The following GRXCR1 variants were observed in gnomAD, a reference collection of about 807,000 sequenced individuals.
GRXCR1 encodes the protein glutaredoxin and cysteine rich domain containing 1, also known as glutaredoxin domain-containing cysteine-rich protein 1.
Under a neutral mutation model 27.3 loss-of-function variants are expected in GRXCR1, and 27 were observed. The observed-to-expected ratio is 0.99, with a 90% CI of 0.73 to 1.37. The LOEUF (loss-of-function observed/expected upper bound fraction) is 1.37. GRXCR1 is among the 40% of genes most tolerant of loss of function. The pLI, the probability that GRXCR1 is intolerant of heterozygous loss-of-function variation, is 0.00. For missense variants in GRXCR1, 379 were observed against 354.4 expected (o/e 1.07, Z -0.56); for synonymous variants, 122 against 131.1 (o/e 0.93, Z 0.47).
intron 1 of GRXCR1, among the ~76,000 whole-genome samples, chr4:42,900,877 C>T (rs1746445595): frequency 6.6e-6 from 1 of 152,072 alleles, no homozygotes; most frequent in African/African-American, 2.4e-5. Context: ...ATGAGGGTCC[C>T]AGAACTAATC....
intron 2 of GRXCR1, among the ~76,000 whole-genome samples, chr4:43,001,315 G>A (rs1712349527): frequency 6.6e-6 from 1 of 151,884 alleles, no homozygotes; most frequent in African/African-American, 2.4e-5. Flanking sequence ...AATTCACCTT[G>A]GGCAAGAGCT....
intron 2 of GRXCR1, among the ~76,000 whole-genome samples, chr4:42,987,261 A>AAAT (rs1711795363): frequency 1.0e-5 from 1 of 97,274 alleles, no homozygotes; most frequent in Non-Finnish European, 2.1e-5. Flanking sequence ...ATATATATAT[A>AAAT]ATATATATAT....
intron 1 of GRXCR1, among the ~76,000 whole-genome samples, chr4:42,943,322 A>T (rs1747665818): frequency 6.6e-6 from 1 of 152,130 alleles, no homozygotes; most frequent in Non-Finnish European, 1.5e-5. Context: ...CTGAAAGTGA[A>T]GCCTTGAAGT....
At chr4:43,019,008 G>A (rs949456571) in intron 2 of GRXCR1, among the ~76,000 whole-genome samples, 8 of 152,030 alleles carry the variant, frequency 5.3e-5, no homozygotes, top group African/African-American at 1.7e-4. Flanking sequence ...CATTTTTTAT[G>A]GTGATTATGA....
chr4:42,909,576 C>A (rs1353326232), intron 1 of GRXCR1, among the ~76,000 whole-genome samples: 3 of 152,110 alleles, frequency 2.0e-5, no homozygotes, highest in Admixed American at 6.6e-5. Context: ...ATCTGGTTAG[C>A]CAATTTTTAG....
chr4:42,988,029 G>T (rs964052673), intron 2 of GRXCR1, among the ~76,000 whole-genome samples: 41 of 152,110 alleles, frequency 2.7e-4, no homozygotes, highest in African/African-American at 8.9e-4. Flanking sequence ...ACAGTTTCTG[G>T]AGTATCCTGT....
intron 2 of GRXCR1, among the ~76,000 whole-genome samples, chr4:42,977,882 G>C (rs1350907365): frequency 6.6e-6 from 1 of 151,910 alleles, no homozygotes; most frequent in African/African-American, 2.4e-5. Context: ...TTATTGCCCA[G>C]ACTGTTGTGG....
intron 1 of GRXCR1, among the ~76,000 whole-genome samples, chr4:42,948,303 A>G (rs1747795402): frequency 6.6e-6 from 1 of 151,930 alleles, no homozygotes; most frequent in African/African-American, 2.4e-5. Context: ...AGTAGAAAAG[A>G]TAGATAAAGA....
At chr4:42,952,795 G>A (rs1011399972) in intron 1 of GRXCR1, among the ~76,000 whole-genome samples, 3 of 152,086 alleles carry the variant, frequency 2.0e-5, no homozygotes, top group East Asian at 1.9e-4. Flanking sequence ...ATCACAGAGG[G>A]AAGCATCGAG....
chr4:43,025,240 G>C (rs1182791178), intron 3 of GRXCR1, among the ~76,000 whole-genome samples: 1 of 152,148 alleles, frequency 6.6e-6, no homozygotes, highest in African/African-American at 2.4e-5. Flanking sequence ...CATTTCGTGT[G>C]CTTTAGTTGA....
intron 2 of GRXCR1, among the ~76,000 whole-genome samples, chr4:42,989,961 GGTT>G (rs1185331667): frequency 2.6e-5 from 4 of 151,756 alleles, no homozygotes; most frequent in African/African-American, 9.7e-5. Flanking sequence ...ATATTTCCAA[GGTT>G]GTGAAAAGTT....
intron 2 of GRXCR1, among the ~76,000 whole-genome samples, chr4:42,972,026 A>G (rs994871690): frequency 4.6e-5 from 7 of 152,216 alleles, no homozygotes; most frequent in Admixed American, 4.6e-4. Flanking sequence ...CCTCCCAAGT[A>G]TCTGGCACCA....
intron 2 of GRXCR1, among the ~76,000 whole-genome samples, chr4:42,969,827 C>T (rs960746925): frequency 1.3e-5 from 2 of 152,048 alleles, no homozygotes; most frequent in African/African-American, 4.8e-5. Flanking sequence ...CCTTCCCAAC[C>T]GTCCCCCACA....
chr4:42,951,560 G>A (rs1206293692), intron 1 of GRXCR1, among the ~76,000 whole-genome samples: 1 of 152,148 alleles, frequency 6.6e-6, no homozygotes, highest in Non-Finnish European at 1.5e-5. Context: ...CCCAGTCATC[G>A]TAATGCTGCA....
At chr4:42,970,378 T>A (rs1329293130) in intron 2 of GRXCR1, among the ~76,000 whole-genome samples, 1 of 152,106 alleles carries the variant, frequency 6.6e-6, no homozygotes, top group Non-Finnish European at 1.5e-5. Context: ...TAGTAAAGGT[T>A]CTCCATGAGG....
intron 2 of GRXCR1, among the ~76,000 whole-genome samples, chr4:42,996,263 A>T (rs902380521): frequency 4.6e-5 from 7 of 152,192 alleles, no homozygotes; most frequent in African/African-American, 1.7e-4. Context: ...AAATAAAGTT[A>T]CGATCATCTG....
chr4:42,961,999 G>T (rs1372651599), intron 1 of GRXCR1, among the ~76,000 whole-genome samples: 4 of 151,968 alleles, frequency 2.6e-5, no homozygotes, highest in African/African-American at 9.7e-5. Flanking sequence ...GTTCTGTTCA[G>T]TTTCCTTCAA....
At chr4:42,987,219 A>AAT (rs1711768901) in intron 2 of GRXCR1, among the ~76,000 whole-genome samples, 4 of 46,988 alleles carry the variant, frequency 8.5e-5, no homozygotes, top group African/African-American at 8.9e-5. Context: ...TATTATATAT[A>AAT]TATTATATAT....
intron 1 of GRXCR1, among the ~76,000 whole-genome samples, chr4:42,894,265 A>G (rs1746299991): frequency 6.6e-6 from 1 of 152,148 alleles, no homozygotes; most frequent in Non-Finnish European, 1.5e-5. Flanking sequence ...TAGATTTTGT[A>G]TAATAATTTT....
Sources: gnomAD v4.1 joint callset for allele counts (sites outside exome capture counted in the v4.1 genomes callset) on GRCh38, gnomAD v4.1.1 for gene constraint, MANE v1.5 for transcripts, NCBI Gene and HGNC (gene_info 2026-07-23, HGNC 2026-07-21) for gene names.